Variants in CENPP observed in about 807,000 individuals in gnomAD.
CENPP encodes the protein centromere protein P.
Under a neutral mutation model 35.6 loss-of-function variants are expected in CENPP, and 24 were observed. The observed-to-expected ratio is 0.67, with a 90% CI of 0.49 to 0.95. The LOEUF is 0.95. Ranked by LOEUF, CENPP falls within the 40% of genes least tolerant of loss-of-function variation. The pLI, the probability that CENPP is intolerant of heterozygous loss-of-function variation, is 0.00. For missense variants in CENPP, 332 were observed against 345.3 expected (o/e 0.96, Z 0.31); for synonymous variants, 120 against 125.5 (o/e 0.96, Z 0.29).
chr9:92,325,988 A>G lies in CENPP; in HGVS notation c.-11A>G, dbSNP rs1840469469. On this transcript the variant is annotated 5_prime_UTR_variant, in exon 1 of 8. Transcript: ENST00000375587. ...CTGCGCTGCCGGCCCGGCTGCGGTC[A>G]GCAACGCGCCATGGACGCAGAGCTG... is the stretch of plus-strand genomic sequence containing the variant. The G allele has an allele frequency of 6.5e-7, 1 of 1,548,070 alleles. No homozygotes were observed. Among genetic ancestry groups the G allele is most frequent in the Non-Finnish European group, 8.7e-7 (1 of 1,145,300 alleles).
chr9:92,351,472 T>A (rs1841439717), intron 4 of CENPP, among the ~76,000 whole-genome samples: 1 of 81,194 alleles, frequency 1.2e-5, no homozygotes, highest in African/African-American at 9.2e-5. Flanking sequence ...AGTGAGACTA[T>A]CTCAAAAAAA....
At chr9:92,376,481 A>C (rs566866096) in intron 4 of CENPP, among the ~76,000 whole-genome samples, 1 of 152,288 alleles carries the variant, frequency 6.6e-6, no homozygotes, top group African/African-American at 2.4e-5. Context: ...TAGGTGAAAG[A>C]AGGAGAGGAG....
chr9:92,511,910 C>A, intron 5 of CENPP: 3 of 794,166 alleles, frequency 3.8e-6, no homozygotes, highest in East Asian at 2.7e-5. Context: ...AGAAGACTAC[C>A]AATTAGAAGC....
At chr9:92,607,497 G>T (rs1016568356) in intron 5 of CENPP, among the ~76,000 whole-genome samples, 7 of 152,100 alleles carry the variant, frequency 4.6e-5, no homozygotes, top group Admixed American at 2.0e-4. Context: ...AGTGGTGATG[G>T]TTGCACCACC....
intron 4 of CENPP, among the ~76,000 whole-genome samples, chr9:92,374,260 T>TGTGC (rs1564284105): frequency 2.7e-5 from 4 of 150,666 alleles, no homozygotes; most frequent in African/African-American, 9.9e-5. Context: ...TGTGTGTGTG[T>TGTGC]GTGTGTGTGT....
chr9:92,436,898 G>T (rs1265414027), intron 5 of CENPP, among the ~76,000 whole-genome samples: 1 of 152,040 alleles, frequency 6.6e-6, no homozygotes, highest in Non-Finnish European at 1.5e-5. Context: ...GAATGATCTT[G>T]TCTGTATCTG....
At chr9:92,431,129 C>T (rs1844098583) in intron 5 of CENPP, among the ~76,000 whole-genome samples, 1 of 152,028 alleles carries the variant, frequency 6.6e-6, no homozygotes. Flanking sequence ...AATTTTTTTG[C>T]ATTTGAAAAT....
chr9:92,610,635 AG>A (rs1851212803), intron 5 of CENPP: 1 of 152,204 alleles, frequency 6.6e-6, no homozygotes, highest in African/African-American at 2.4e-5. Context: ...TGCTTTTGGG[AG>A]GAGGCTTTTG....
intron 5 of CENPP, chr9:92,510,171 A>G: frequency 1.1e-6 from 1 of 881,842 alleles, no homozygotes. Flanking sequence ...GCCACACAGC[A>G]AACCCCTTAT....
chr9:92,330,969 C>T (rs1382313587), intron 1 of CENPP, among the ~76,000 whole-genome samples: 6 of 152,206 alleles, frequency 3.9e-5, no homozygotes, highest in Non-Finnish European at 8.8e-5. Context: ...GGATTGCAGG[C>T]GTGAGCCACT....
At chr9:92,449,625 C>G (rs1844649683) in intron 5 of CENPP, among the ~76,000 whole-genome samples, 2 of 151,722 alleles carry the variant, frequency 1.3e-5, no homozygotes, top group Non-Finnish European at 2.9e-5. Context: ...AATTTTAATC[C>G]CCAATGTTGG....
intron 5 of CENPP, among the ~76,000 whole-genome samples, chr9:92,475,738 A>G (rs990472053): frequency 3.3e-5 from 5 of 152,144 alleles, no homozygotes; most frequent in African/African-American, 1.2e-4. Flanking sequence ...CACAATTGGT[A>G]TCTTTTTCCT....
At chr9:92,582,620 C>G (rs1161468585) in intron 5 of CENPP, among the ~76,000 whole-genome samples, 1 of 151,086 alleles carries the variant, frequency 6.6e-6, no homozygotes, top group Non-Finnish European at 1.5e-5. Flanking sequence ...ATAACGGTGT[C>G]CTTTCTGGAA....
At chr9:92,513,327 CA>C (rs1847476737) in intron 5 of CENPP, among the ~76,000 whole-genome samples, 1 of 152,202 alleles carries the variant, frequency 6.6e-6, no homozygotes, top group South Asian at 2.1e-4. Context: ...GGGCAGGCTG[CA>C]GAGAGGCAGG....
intron 3 of CENPP, among the ~76,000 whole-genome samples, chr9:92,341,315 GATA>G (rs1841111045): frequency 6.6e-6 from 1 of 152,120 alleles, no homozygotes; most frequent in African/African-American, 2.4e-5. Flanking sequence ...CTTGCCTTGT[GATA>G]TTCTATTACC....
intron 5 of CENPP, among the ~76,000 whole-genome samples, chr9:92,513,301 T>C (rs1199697618): frequency 6.6e-6 from 1 of 152,130 alleles, no homozygotes; most frequent in East Asian, 1.9e-4. Flanking sequence ...AGAAAACAAC[T>C]GACAGTACCA....
chr9:92,601,103 A>G (rs538381648), intron 5 of CENPP, among the ~76,000 whole-genome samples: 1 of 152,188 alleles, frequency 6.6e-6, no homozygotes, highest in Non-Finnish European at 1.5e-5. Context: ...CAGGAAAGTT[A>G]GGCTAATATG....
chr9:92,415,153 T>C, intron 5 of CENPP: 1 of 1,600,448 alleles, frequency 6.2e-7, no homozygotes, highest in African/African-American at 1.4e-5. Context: ...AGTTTCTTGC[T>C]ATTCTTGATT....
At chr9:92,328,309 A>AT (rs1413880837) in intron 1 of CENPP, among the ~76,000 whole-genome samples, 2 of 152,088 alleles carry the variant, frequency 1.3e-5, no homozygotes, top group Non-Finnish European at 1.5e-5. Context: ...GTACCAAGCT[A>AT]TTTTTTTAAG....
Sources: allele counts gnomAD v4.1 joint callset (sites outside exome capture counted in the v4.1 genomes callset), GRCh38; gene constraint gnomAD v4.1.1; transcripts MANE v1.5; gene names NCBI Gene and HGNC (gene_info 2026-07-23, HGNC 2026-07-21).